The following HERC1 variants were observed in gnomAD, a reference collection of about 807,000 sequenced individuals.
The protein encoded by HERC1 is probable E3 ubiquitin-protein ligase HERC1.
Under a neutral mutation model 554.3 loss-of-function variants are expected in HERC1, and 160 were observed. The ratio of observed to expected loss-of-function variants is 0.29; its 90% CI spans 0.25 to 0.33. HERC1 has a LOEUF of 0.33. Among genes scored for constraint, HERC1 ranks in the 10% least tolerant of loss-of-function variants. The pLI, the probability that HERC1 is intolerant of heterozygous loss-of-function variation, is 1.00. For synonymous variants in HERC1, 2,175 were observed against 2,131.7 expected (o/e 1.02, Z -0.56); for missense variants, 4,919 against 5,918.5 (o/e 0.83, Z 5.54).
rs565217360 is a variant in HERC1 at position 63,775,151 on chromosome 15, A to G, written c.473T>C (p.Ile158Thr). ...TAGACCAGTTCGAACACCCATTTCT[A>G]TAAGTGCATCAGTGCTTGACCGGGG... ...ERPRSSTDALIEMGVRTGLSL... is the reference protein window; with the variant it reads ...ERPRSSTDALTEMGVRTGLSL... The change falls in exon 2 of 78, where the codon ATA becomes ACA. Residue 158 changes from isoleucine (I) to threonine (T), a missense_variant. By Grantham distance (89) the Ile-to-Thr change is moderately conservative. Transcript: ENST00000443617. This position sits in a 1 kb window ranked among gnomAD's most constrained non-coding sequence, Gnocchi z 4.0. 3.1e-6 allele frequency: 5 copies of G among 1,614,026 alleles called. No homozygotes were observed. The highest frequency in any genetic ancestry group is 1.3e-5 in the African/African-American group (1 of 75,048).
In HERC1 at chr15:63,718,565, A is replaced by T; in HGVS notation, c.3978+9T>A. The stretch of plus-strand genomic sequence containing the variant: ...AAAAACATAGAAATTAATTGATTTC[A>T]AACTTTACCCATCTGTCCCGTGATG... On this transcript the variant is annotated intron_variant, in intron 21 of 77. Coordinates refer to ENST00000443617, the MANE Select transcript of HERC1 (RefSeq NM_003922.4). This position sits in a 1 kb window ranked among gnomAD's most constrained non-coding sequence, Gnocchi z 4.2. 6.5e-7 allele frequency: 1 copy of T among 1,545,940 alleles called. No individual in the cohort carries two copies. The highest frequency in any genetic ancestry group is 8.8e-7 in the Non-Finnish European group (1 of 1,141,038).
intron 14 of HERC1, among the ~76,000 whole-genome samples, chr15:63,732,231 C>G (rs544556526): frequency 6.6e-6 from 1 of 152,220 alleles, no homozygotes; most frequent in South Asian, 2.1e-4. Context: ...AAACTCCTGA[C>G]CTCAGGTGAT....
chr15:63,776,789 G>A (rs538297900), intron 1 of HERC1, among the ~76,000 whole-genome samples: 1 of 152,062 alleles, frequency 6.6e-6, no homozygotes, highest in Non-Finnish European at 1.5e-5. Flanking sequence ...AACACAGTGA[G>A]ATCTCGTCTC....
At chr15:63,624,995 C>T (rs893756284) in intron 71 of HERC1, among the ~76,000 whole-genome samples, 1 of 152,132 alleles carries the variant, frequency 6.6e-6, no homozygotes, top group African/African-American at 2.4e-5. Context: ...TTCTGAGCTG[C>T]CTTTCTCAGT....
chr15:63,641,371 C>T (rs2069052868), intron 60 of HERC1, 99 bp downstream of exon 60: 2 of 1,034,626 alleles, frequency 1.9e-6, no homozygotes, highest in Non-Finnish European at 2.7e-6. Flanking sequence ...CACTTATTAT[C>T]CTCAGACCTC....
intron 39 of HERC1, among the ~76,000 whole-genome samples, chr15:63,670,522 A>C (rs2070856167): frequency 6.6e-6 from 1 of 152,206 alleles, no homozygotes; most frequent in Non-Finnish European, 1.5e-5. Context: ...ATGTTCGCCC[A>C]GTAAGAGCCA....
At chr15:63,823,526 C>A (rs1485669418) in intron 1 of HERC1, among the ~76,000 whole-genome samples, 2 of 152,176 alleles carry the variant, frequency 1.3e-5, no homozygotes, top group Non-Finnish European at 2.9e-5. Flanking sequence ...AAGAACAGAT[C>A]TAACTGGTGA....
intron 1 of HERC1, among the ~76,000 whole-genome samples, chr15:63,783,955 AC>A (rs1241914973): frequency 2.0e-5 from 3 of 151,788 alleles, no homozygotes; most frequent in African/African-American, 7.3e-5. Flanking sequence ...AATCCCAGCT[AC>A]TCGGGAGGCT....
intron 1 of HERC1, among the ~76,000 whole-genome samples, chr15:63,823,074 T>A (rs1292754835): frequency 6.6e-6 from 1 of 152,094 alleles, no homozygotes; most frequent in Non-Finnish European, 1.5e-5. Context: ...GTCATGGGGG[T>A]TTGTTGTACA....
intron 34 of HERC1, among the ~76,000 whole-genome samples, chr15:63,684,097 C>T (rs1427497103): frequency 6.6e-6 from 1 of 152,164 alleles, no homozygotes; most frequent in East Asian, 1.9e-4. Flanking sequence ...TTGCAGGTAT[C>T]CACGAAAAGA....
Position 63,633,840 on chromosome 15 carries a change from G to A in HERC1, c.12693+8C>T, listed in dbSNP as rs368023184. On this transcript the variant is annotated splice_region_variant and intron_variant, in intron 67 of 77. Coordinates refer to ENST00000443617, the MANE Select transcript of HERC1 (RefSeq NM_003922.4). ...TGTCTGAAAACCTAGACTCAAGGCA[G>A]TACTGACCTGAGGTGAAGATTTTGC... 1 of 1,612,102 alleles carries A rather than the reference G, an allele frequency of 6.2e-7. No individual in the cohort carries two copies. Among genetic ancestry groups the A allele is most frequent in the Non-Finnish European group, 8.5e-7 (1 of 1,178,940 alleles).
chr15:63,746,600 C>A (rs779825029), intron 12 of HERC1, among the ~76,000 whole-genome samples: 5 of 152,030 alleles, frequency 3.3e-5, no homozygotes, highest in Non-Finnish European at 5.9e-5. Flanking sequence ...TAGGTCCTTG[C>A]CCTCAGGAAC....
intron 1 of HERC1, among the ~76,000 whole-genome samples, chr15:63,812,893 T>A (rs2077374834): frequency 6.6e-6 from 1 of 152,192 alleles, no homozygotes; most frequent in Admixed American, 6.5e-5. Context: ...AAATGTCAAC[T>A]GTCCCCCAAA....
At chr15:63,732,619 T>A (rs1383846978) in intron 14 of HERC1, among the ~76,000 whole-genome samples, 27 of 152,264 alleles carry the variant, frequency 1.8e-4, no homozygotes, top group Non-Finnish European at 4.4e-5. Context: ...ATTATAAGAT[T>A]ATAACTGGCA....
At chr15:63,755,791 A>G (rs373824145) in intron 5 of HERC1, among the ~76,000 whole-genome samples, 11 of 152,190 alleles carry the variant, frequency 7.2e-5, no homozygotes, top group East Asian at 3.9e-4. Flanking sequence ...AAAAAGAAAG[A>G]AAGAAAAGAG....
In HERC1 at chr15:63,749,598, TAC is replaced by T; in HGVS notation, c.2047+47_2047+48del. On this transcript the variant is annotated intron_variant, in intron 9 of 77. Coordinates refer to ENST00000443617, the MANE Select transcript of HERC1 (RefSeq NM_003922.4). This position sits in a 1 kb window ranked among gnomAD's most constrained non-coding sequence, Gnocchi z 4.1. ...AAGCCAAATTCAAATGTAATATATT[TAC>T]ACAAGACAACAGTTAATACTATTTC... 1.9e-6 allele frequency: 3 copies of T among 1,580,468 alleles called. No homozygotes were observed. Among genetic ancestry groups the T allele is most frequent in the Non-Finnish European group, 2.6e-6 (3 of 1,163,904 alleles).
At chr15:63,699,532 C>A (rs2072609286) in intron 25 of HERC1, among the ~76,000 whole-genome samples, 2 of 152,156 alleles carry the variant, frequency 1.3e-5, no homozygotes, top group Non-Finnish European at 2.9e-5. Flanking sequence ...AAAGCAGACA[C>A]AAACATCACC....
Position 63,749,567 on chromosome 15 carries a change from A to C in HERC1, c.2048-29T>G. ...AAAACAAAATATAAAGTATTATATA[A>C]AAGAAAAGCCAAATTCAAATGTAAT... On this transcript the variant is annotated intron_variant, in intron 9 of 77. Coordinates refer to ENST00000443617, the MANE Select transcript of HERC1 (RefSeq NM_003922.4). The surrounding 1 kb of genome is among the most constrained non-coding windows in gnomAD (Gnocchi z 4.1). The C allele has an allele frequency of 6.3e-7, 1 of 1,575,462 alleles. No homozygotes were observed. Among genetic ancestry groups the C allele is most frequent in the Non-Finnish European group, 8.6e-7 (1 of 1,162,474 alleles).
At chr15:63,642,438 A>C (rs374308387) in intron 59 of HERC1, among the ~76,000 whole-genome samples, 3 of 152,138 alleles carry the variant, frequency 2.0e-5, no homozygotes, top group African/African-American at 7.2e-5. Context: ...CCTGGGTTCA[A>C]CCAATTCTCC....
Sources: gnomAD v4.1 joint callset for allele counts (sites outside exome capture counted in the v4.1 genomes callset) on GRCh38, gnomAD v4.1.1 for gene constraint, Gnocchi (gnomAD v3.1) non-coding constraint, MANE v1.5 for transcripts, NCBI Gene and HGNC (gene_info 2026-07-23, HGNC 2026-07-21) for gene names.